Variants in SNX29 observed in about 807,000 individuals in gnomAD.
SNX29 encodes the protein sorting nexin 29, also known as sorting nexin-29.
SNX29 carries 78 observed loss-of-function variants against 102.1 expected under a neutral mutation model. The observed-to-expected ratio is 0.76, with a 90% confidence interval of 0.64 to 0.92. The LOEUF is 0.92. Ranked by LOEUF, SNX29 falls within the 40% of genes least tolerant of loss-of-function variation. The pLI is 0.00. For synonymous variants in SNX29, 580 were observed against 414.5 expected (o/e 1.40, Z -4.85); for missense variants, 1,280 against 1,061.7 (o/e 1.21, Z -2.86).
intron 20 of SNX29, chr16:12,545,574 A>AG (rs1383403714): frequency 6.6e-6 from 1 of 152,196 alleles, no homozygotes; most frequent in Non-Finnish European, 1.5e-5. Context: ...GAGTAGATGG[A>AG]GGAACCCATT....
At chr16:12,543,655 A>C (rs1255403928) in intron 20 of SNX29, among the ~76,000 whole-genome samples, 1 of 152,210 alleles carries the variant, frequency 6.6e-6, no homozygotes, top group Non-Finnish European at 1.5e-5. Flanking sequence ...CTGTCTCCAG[A>C]CGCTCTTCCA....
At chr16:12,452,055 CTG>C (rs2086323842) in intron 18 of SNX29, among the ~76,000 whole-genome samples, 1 of 152,170 alleles carries the variant, frequency 6.6e-6, no homozygotes, top group South Asian at 2.1e-4. Context: ...TTGAGCCCCA[CTG>C]AAGCTCAGAC....
At position 12,419,571 on chromosome 16, in the gene SNX29, C is replaced by G. The variant is rs964085632; in HGVS notation, c.2037+16042C>G. ...AGTGTCATCAGACTCAGCCCCCCCC[C>G]CCATCTTTCTGTCGATTTGCGTTGC... On this transcript the variant is annotated intron_variant, in intron 18 of 20. Transcript: ENST00000566228. Among the ~76,000 whole-genome samples, 295 of 151,884 alleles carry G rather than the reference C, an allele frequency of 1.9e-3. 1 individual carries two copies. The highest frequency in any genetic ancestry group is 6.6e-3 in the African/African-American group (273 of 41,334).
At chr16:12,362,562 A>ACC (rs796459458) in intron 16 of SNX29, among the ~76,000 whole-genome samples, 394 of 19,870 alleles carry the variant, frequency 0.02, 17 homozygotes, top group South Asian at 0.052. Flanking sequence ...CTCCCCCCCC[A>ACC]CCCCCCCCCC....
chr16:12,441,005 G>A (rs1010265158), intron 18 of SNX29, among the ~76,000 whole-genome samples: 3 of 151,542 alleles, frequency 2.0e-5, no homozygotes, highest in Non-Finnish European at 2.9e-5. Context: ...CATACAATAC[G>A]TGGCCTTCTA....
intron 16 of SNX29, among the ~76,000 whole-genome samples, chr16:12,387,366 G>T (rs1184448186): frequency 1.3e-5 from 2 of 152,148 alleles, no homozygotes; most frequent in African/African-American, 4.8e-5. Context: ...GTCTACTTGG[G>T]ATAGCACTCG....
At chr16:12,391,452 G>A (rs931489516) in intron 16 of SNX29, among the ~76,000 whole-genome samples, 7 of 152,110 alleles carry the variant, frequency 4.6e-5, no homozygotes, top group African/African-American at 7.2e-5. Context: ...TAATTCAGTC[G>A]TTCTTCCAGC....
At chr16:12,462,896 G>T (rs2086870181) in intron 18 of SNX29, among the ~76,000 whole-genome samples, 1 of 152,224 alleles carries the variant, frequency 6.6e-6, no homozygotes, top group South Asian at 2.1e-4. Context: ...ACTGCAACAT[G>T]TGACTGCAGG....
At chr16:12,558,410 G>A (rs1018337687) in intron 20 of SNX29, among the ~76,000 whole-genome samples, 6 of 152,202 alleles carry the variant, frequency 3.9e-5, no homozygotes, top group Non-Finnish European at 7.3e-5. Flanking sequence ...TAGCCTTGAA[G>A]TGGTGAAAGC....
chr16:12,392,976 C>T (rs1208970612), intron 16 of SNX29, among the ~76,000 whole-genome samples: 1 of 152,210 alleles, frequency 6.6e-6, no homozygotes, highest in Non-Finnish European at 1.5e-5. Context: ...CATGCCATTT[C>T]ACATTCTGTT....
intron 18 of SNX29, among the ~76,000 whole-genome samples, chr16:12,428,970 C>T (rs112102895): frequency 9.9e-5 from 15 of 151,788 alleles, no homozygotes; most frequent in Admixed American, 6.6e-4. Flanking sequence ...CACACAGATA[C>T]GATTGCGATT....
intron 16 of SNX29, among the ~76,000 whole-genome samples, chr16:12,396,552 A>G (rs1484028900): frequency 6.6e-6 from 1 of 152,212 alleles, no homozygotes; most frequent in Non-Finnish European, 1.5e-5. Flanking sequence ...CCCAGAAAAG[A>G]GGAGTGGCCA....
chr16:12,561,626 G>C (rs1560114), intron 20 of SNX29, among the ~76,000 whole-genome samples: 2 of 151,990 alleles, frequency 1.3e-5, no homozygotes, highest in African/African-American at 4.8e-5. Flanking sequence ...TACCCCAAGA[G>C]GCTTATTAAA....
intron 18 of SNX29, among the ~76,000 whole-genome samples, chr16:12,448,379 A>T (rs957763014): frequency 6.6e-6 from 1 of 152,100 alleles, no homozygotes; most frequent in Admixed American, 6.5e-5. Context: ...TTTTTACCTG[A>T]TTCCCATGAT....
Position 12,568,855 on chromosome 16 carries a change from GAC to G in SNX29, c.*232_*233del, listed in dbSNP as rs1388317953. On this transcript the variant is annotated 3_prime_UTR_variant, in exon 21 of 21. Transcript: ENST00000566228. ...GGCAGCACCTCGCTGGAGAGACTGGGACACACAGTCCTTCTGCTTCTGGGGTC... is the reference window on the plus strand; with the variant it reads ...GGCAGCACCTCGCTGGAGAGACTGGGACACAGTCCTTCTGCTTCTGGGGTC... 3.6e-5 allele frequency: 23 copies of G among 646,540 alleles called. No individual in the cohort carries two copies. The highest frequency in any genetic ancestry group is 5.5e-5 in the African/African-American group (3 of 54,348). The allele number at this position is 646,540 out of a possible 1,614,324, so 40.1% of individuals were successfully genotyped here. A position where few individuals can be genotyped will look rare whatever the true frequency, so the allele number is the denominator to read the frequency against.
chr16:12,063,852 T>A (rs2050897136), intron 9 of SNX29, among the ~76,000 whole-genome samples: 1 of 151,920 alleles, frequency 6.6e-6, no homozygotes, highest in African/African-American at 2.4e-5. Context: ...GCCACCGAAG[T>A]CCTGCATTTC....
At chr16:12,077,427 G>A (rs991046931) in intron 10 of SNX29, among the ~76,000 whole-genome samples, 17 of 145,598 alleles carry the variant, frequency 1.2e-4, no homozygotes, top group Admixed American at 4.2e-4. Flanking sequence ...GTGTGTGTGT[G>A]TATCTCTGTT....
chr16:12,258,230 C>G (rs2078631610), intron 14 of SNX29, among the ~76,000 whole-genome samples: 1 of 152,234 alleles, frequency 6.6e-6, no homozygotes, highest in African/African-American at 2.4e-5. Context: ...CCCGTGTCAT[C>G]TGCCGCCACC....
chr16:12,547,019 C>G (rs1209270133), intron 20 of SNX29, among the ~76,000 whole-genome samples: 1 of 151,428 alleles, frequency 6.6e-6, no homozygotes, highest in Non-Finnish European at 1.5e-5. Flanking sequence ...GATAGTTCAA[C>G]AGCAGATAAA....
Sources: gnomAD v4.1 joint callset for allele counts (sites outside exome capture counted in the v4.1 genomes callset) on GRCh38, gnomAD v4.1.1 for gene constraint, MANE v1.5 for transcripts, NCBI Gene and HGNC (gene_info 2026-07-23, HGNC 2026-07-21) for gene names.